Variants in ARHGAP15 observed in about 807,000 individuals in gnomAD.
The protein encoded by ARHGAP15 is Rho GTPase activating protein 15, also known as rho GTPase-activating protein 15.
Under a neutral mutation model 63.7 loss-of-function variants are expected in ARHGAP15, and 51 were observed. The ratio of observed to expected loss-of-function variants is 0.80; its 90% CI spans 0.64 to 1.01. The LOEUF (loss-of-function observed/expected upper bound fraction) is 1.01. Among genes scored for constraint, ARHGAP15 ranks in the 50% least tolerant of loss-of-function variants. The pLI is 0.00. For synonymous variants in ARHGAP15, 191 were observed against 193.8 expected, an observed-to-expected ratio of 0.99 and a Z score of 0.12; for missense variants, 560 against 564.6, an observed-to-expected ratio of 0.99 and a Z score of 0.08.
intron 2 of ARHGAP15, among the ~76,000 whole-genome samples, chr2:143,180,408 A>C (rs2105067809): frequency 6.6e-6 from 1 of 152,300 alleles, no homozygotes; most frequent in South Asian, 2.1e-4. Flanking sequence ...TTCTTATTCT[A>C]GTTGTCCTGT....
chr2:143,364,390 G>A (rs1686204945), intron 6 of ARHGAP15, among the ~76,000 whole-genome samples: 1 of 152,092 alleles, frequency 6.6e-6, no homozygotes, highest in African/African-American at 2.4e-5. Context: ...GATTCATTTA[G>A]GAGTGGGAGT....
chr2:143,391,010 G>A (rs1171270652), intron 6 of ARHGAP15, among the ~76,000 whole-genome samples: 3 of 152,154 alleles, frequency 2.0e-5, no homozygotes, highest in Non-Finnish European at 4.4e-5. Flanking sequence ...AGAGTTACCT[G>A]GGGTCTCCTG....
intron 8 of ARHGAP15, among the ~76,000 whole-genome samples, chr2:143,459,166 A>C (rs543784142): frequency 6.6e-6 from 1 of 152,296 alleles, no homozygotes; most frequent in Admixed American, 6.5e-5. Flanking sequence ...ACTTTAAGCA[A>C]GTCACAGTGA....
intron 9 of ARHGAP15, among the ~76,000 whole-genome samples, chr2:143,510,302 A>G (rs116704602): frequency 0.011 from 1,684 of 152,250 alleles, 34 homozygotes; most frequent in African/African-American, 0.038. Flanking sequence ...GCTACCTACT[A>G]TGGAAACTAC....
At chr2:143,240,392 C>G (rs772495311) in intron 5 of ARHGAP15, among the ~76,000 whole-genome samples, 19 of 152,072 alleles carry the variant, frequency 1.2e-4, no homozygotes, top group South Asian at 4.2e-4. Context: ...TAGTTTCAAT[C>G]AGAAAGCTAT....
chr2:143,396,738 T>C (rs1687778642), intron 6 of ARHGAP15, among the ~76,000 whole-genome samples: 1 of 151,978 alleles, frequency 6.6e-6, no homozygotes. Context: ...CTCATCTAGA[T>C]GCACATTGAG....
intron 8 of ARHGAP15, among the ~76,000 whole-genome samples, chr2:143,449,097 A>G (rs1024995792): frequency 6.6e-6 from 1 of 152,008 alleles, no homozygotes; most frequent in African/African-American, 2.4e-5. Flanking sequence ...TTACGGACTA[A>G]ATGAGAAAGA....
At chr2:143,473,037 AAACTCCAAACTAG>A (rs1201893026) in intron 8 of ARHGAP15, among the ~76,000 whole-genome samples, 1 of 152,166 alleles carries the variant, frequency 6.6e-6, no homozygotes, top group Non-Finnish European at 1.5e-5. Context: ...AACCACCATT[AAACTCCAAACTAG>A]AACGTGAAGA....
chr2:143,495,512 A>C (rs1470142918), intron 9 of ARHGAP15, among the ~76,000 whole-genome samples: 1 of 152,232 alleles, frequency 6.6e-6, no homozygotes, highest in African/African-American at 2.4e-5. Flanking sequence ...GGAACATTTA[A>C]GTAATTACCC....
intron 6 of ARHGAP15, among the ~76,000 whole-genome samples, chr2:143,336,391 T>A (rs1318250633): frequency 6.6e-6 from 1 of 152,148 alleles, no homozygotes; most frequent in African/African-American, 2.4e-5. Flanking sequence ...TATAAGAACA[T>A]GACCAGTTTA....
rs1332562280 is a variant in ARHGAP15, at chr2:143,248,205, A to T, written c.385-2306A>T. On this transcript the variant is annotated intron_variant, in intron 5 of 13. Transcript: ENST00000295095. ...GAGTACTGGAGTACAGCTCTTTTAT[A>T]TAAAAGACAGTCAAAGAAGACCTCT... is the stretch of plus-strand genomic sequence containing the variant. Among the ~76,000 whole-genome samples the T allele has an allele frequency of 3.3e-5, 5 of 152,164 alleles. No individual in the cohort carries two copies. The East Asian group carries it at 9.6e-4, about 29-fold the overall frequency.
intron 7 of ARHGAP15, among the ~76,000 whole-genome samples, chr2:143,436,387 A>C (rs562503777): frequency 1.3e-5 from 2 of 152,196 alleles, no homozygotes; most frequent in African/African-American, 4.8e-5. Context: ...GCAAGCTTTC[A>C]TTATACCATT....
intron 13 of ARHGAP15, among the ~76,000 whole-genome samples, chr2:143,725,957 A>G (rs1288702141): frequency 1.3e-5 from 2 of 152,226 alleles, no homozygotes; most frequent in African/African-American, 2.4e-5. Flanking sequence ...AAAGTTTTCC[A>G]TTTACATCCT....
chr2:143,224,972 C>T (rs1693147253), intron 4 of ARHGAP15, among the ~76,000 whole-genome samples: 1 of 152,182 alleles, frequency 6.6e-6, no homozygotes, highest in Non-Finnish European at 1.5e-5. Context: ...CATGTTCTCA[C>T]TCATAAGTGG....
intron 6 of ARHGAP15, among the ~76,000 whole-genome samples, chr2:143,403,830 G>A (rs1688087084): frequency 6.6e-6 from 1 of 151,594 alleles, no homozygotes; most frequent in Non-Finnish European, 1.5e-5. Flanking sequence ...TCTATTATGA[G>A]TATATGAAGC....
intron 6 of ARHGAP15, among the ~76,000 whole-genome samples, chr2:143,414,044 C>T (rs565322134): frequency 1.3e-5 from 2 of 150,822 alleles, no homozygotes; most frequent in South Asian, 2.1e-4. Flanking sequence ...AAAAAAATGA[C>T]AGAATACAAA....
intron 11 of ARHGAP15, among the ~76,000 whole-genome samples, chr2:143,570,175 AAT>A (rs1696395021): frequency 6.6e-6 from 1 of 152,242 alleles, no homozygotes; most frequent in Admixed American, 6.5e-5. Context: ...AATCTATTGT[AAT>A]ATAATGAAGT....
intron 6 of ARHGAP15, among the ~76,000 whole-genome samples, chr2:143,292,533 C>A (rs1163995935): frequency 6.6e-6 from 1 of 151,802 alleles, no homozygotes; most frequent in African/African-American, 2.4e-5. Context: ...ATATACTTCA[C>A]CTTGTCCATT....
At chr2:143,437,242 A>G in intron 8 of ARHGAP15, 200 bp downstream of exon 8, 1 of 543,256 alleles carries the variant, frequency 1.8e-6, no homozygotes, top group Non-Finnish European at 3.2e-6. Flanking sequence ...CTTTTGAGAA[A>G]ATAATTGTTC....
Sources: gnomAD v4.1 joint callset for allele counts (sites outside exome capture counted in the v4.1 genomes callset) on GRCh38, gnomAD v4.1.1 for gene constraint, MANE v1.5 for transcripts, NCBI Gene and HGNC (gene_info 2026-07-23, HGNC 2026-07-21) for gene names.